USP34: variants seen among roughly 807,000 people sequenced by gnomAD.
USP34 encodes the protein ubiquitin carboxyl-terminal hydrolase 34.
A neutral mutation model predicts 460.3 loss-of-function variants in USP34; 70 were observed. That is an observed-to-expected ratio of 0.15 (90% CI 0.13 to 0.19). USP34 has a LOEUF of 0.19. Ranked by LOEUF, USP34 falls within the 10% of genes least tolerant of loss-of-function variation. The pLI, the probability that USP34 is intolerant of heterozygous loss-of-function variation, is 1.00. For missense variants in USP34, 3,985 were observed against 4,236.2 expected (o/e 0.94, Z 1.65); for synonymous variants, 1,647 against 1,405.3 (o/e 1.17, Z -3.85).
chr2:61,198,587 T>C (rs1218495844), intron 75 of USP34, among the ~76,000 whole-genome samples: 1 of 147,794 alleles, frequency 6.8e-6, no homozygotes, highest in Non-Finnish European at 1.5e-5. Context: ...GAGAGAGAAA[T>C]AGGCTGGGTG....
At chr2:61,424,059 T>C (rs1220024234) in intron 1 of USP34, among the ~76,000 whole-genome samples, 2 of 152,198 alleles carry the variant, frequency 1.3e-5, no homozygotes, top group African/African-American at 4.8e-5. Flanking sequence ...ACAGCTGCTG[T>C]GGAAAACAGT....
intron 47 of USP34, 27 bp from the exon 48 acceptor site, chr2:61,256,505 T>C (rs1236843591): frequency 5.3e-6 from 8 of 1,514,518 alleles, no homozygotes; most frequent in Non-Finnish European, 7.2e-6. Flanking sequence ...ATTTAAAAGT[T>C]TCATATTATT....
chr2:61,443,141 G>A (rs1695014085), intron 1 of USP34, among the ~76,000 whole-genome samples: 1 of 152,096 alleles, frequency 6.6e-6, no homozygotes, highest in Non-Finnish European at 1.5e-5. Context: ...GAAAGGACAG[G>A]GGAAAGGGAA....
intron 72 of USP34, 34 bp downstream of exon 72, chr2:61,205,983 G>A (rs1270464809): frequency 3.3e-6 from 5 of 1,513,860 alleles, no homozygotes; most frequent in African/African-American, 2.8e-5. Flanking sequence ...CTTCCACTAG[G>A]TTTTTACACG....
At position 61,266,346 on chromosome 2, in the gene USP34, C is replaced by T. The variant is rs544890121; in HGVS notation, c.5434-179G>A. Among the ~76,000 whole-genome samples, 100 of 152,316 alleles carry T rather than the reference C, an allele frequency of 6.6e-4. No homozygotes were observed. The South Asian group carries it at 7.7e-3, about 12-fold the overall frequency. On this transcript the variant is annotated intron_variant, in intron 41 of 79. Transcript: ENST00000398571. ...TTCTCTTAAGAGAAAACGAAGGCGG[C>T]GATCAACTTTTACTCTTCTCTCCTT... is the stretch of plus-strand genomic sequence containing the variant.
chr2:61,410,675 C>T (rs1315730158), intron 2 of USP34, among the ~76,000 whole-genome samples: 1 of 152,156 alleles, frequency 6.6e-6, no homozygotes, highest in Non-Finnish European at 1.5e-5. Flanking sequence ...TTTACTTGTT[C>T]TCTATTCGAA....
chr2:61,342,643 T>C (rs952742443), intron 16 of USP34, among the ~76,000 whole-genome samples: 3 of 151,986 alleles, frequency 2.0e-5, no homozygotes, highest in Non-Finnish European at 2.9e-5. Context: ...TCATCTTTTA[T>C]GTAGTATCTG....
At chr2:61,301,867 T>C (rs557968407) in intron 27 of USP34, among the ~76,000 whole-genome samples, 6 of 152,274 alleles carry the variant, frequency 3.9e-5, no homozygotes, top group Admixed American at 3.3e-4. Flanking sequence ...CATTAACCCT[T>C]TACTCTCCTT....
intron 75 of USP34, among the ~76,000 whole-genome samples, chr2:61,196,041 G>C (rs1686794103): frequency 6.9e-6 from 1 of 144,456 alleles, no homozygotes; most frequent in Non-Finnish European, 1.5e-5. Flanking sequence ...TGAGTAGCTG[G>C]GACTACAGGT....
At chr2:61,316,861 G>C (rs1340188472) in intron 23 of USP34, among the ~76,000 whole-genome samples, 1 of 152,100 alleles carries the variant, frequency 6.6e-6, no homozygotes, top group Admixed American at 6.5e-5. Context: ...ACTCTGGCCT[G>C]GGTGACAGAG....
intron 23 of USP34, among the ~76,000 whole-genome samples, chr2:61,317,008 C>G (rs1235714213): frequency 6.6e-6 from 1 of 152,076 alleles, no homozygotes; most frequent in Non-Finnish European, 1.5e-5. Context: ...CTTTGTTGCC[C>G]AGGCTGAACC....
chr2:61,308,396 G>C lies in USP34; in HGVS notation c.3817+3144C>G, dbSNP rs543450204. ...GTAGAAATGAAAAACTCAGTAGAAA[G>C]ACTGCAAAATAATGTTGAGAACATC... On this transcript the variant is annotated intron_variant, in intron 27 of 79. Transcript: ENST00000398571. Among the ~76,000 whole-genome samples, 9 of 152,082 alleles carry C rather than the reference G, an allele frequency of 5.9e-5. No individual in the cohort carries two copies. The South Asian group carries it at 1.9e-3, about 32-fold the overall frequency.
chr2:61,388,904 C>T (rs181685609), intron 5 of USP34, among the ~76,000 whole-genome samples: 1 of 152,030 alleles, frequency 6.6e-6, no homozygotes, highest in East Asian at 1.9e-4. Context: ...CCCATATGAA[C>T]TGTAATAACC....
chr2:61,414,726 G>T (rs763011264), intron 2 of USP34, among the ~76,000 whole-genome samples: 5 of 152,196 alleles, frequency 3.3e-5, no homozygotes, highest in Non-Finnish European at 5.9e-5. Flanking sequence ...AACAGTCAGA[G>T]CAAGGGAGTC....
At chr2:61,383,949 A>G (rs2103871909) in intron 5 of USP34, among the ~76,000 whole-genome samples, 1 of 152,286 alleles carries the variant, frequency 6.6e-6, no homozygotes, top group African/African-American at 2.4e-5. Flanking sequence ...TCCTTACCAA[A>G]TAATTCTCTA....
chr2:61,255,465 T>C (rs2103892496), intron 48 of USP34, among the ~76,000 whole-genome samples: 1 of 152,340 alleles, frequency 6.6e-6, no homozygotes, highest in South Asian at 2.1e-4. Context: ...TGCTTATTTG[T>C]ATCTTAGGAA....
intron 27 of USP34, among the ~76,000 whole-genome samples, chr2:61,303,685 C>T (rs1281439689): frequency 6.6e-6 from 1 of 151,910 alleles, no homozygotes; most frequent in Non-Finnish European, 1.5e-5. Flanking sequence ...CAAGCTCCGC[C>T]TCCTGGGTTC....
intron 1 of USP34, among the ~76,000 whole-genome samples, chr2:61,458,015 C>G (rs1283593974): frequency 6.6e-6 from 1 of 152,146 alleles, no homozygotes; most frequent in Non-Finnish European, 1.5e-5. Flanking sequence ...CCACAGTGAT[C>G]TTACGATTTT....
intron 18 of USP34, among the ~76,000 whole-genome samples, chr2:61,335,285 C>G (rs1279006071): frequency 1.3e-5 from 2 of 152,094 alleles, no homozygotes; most frequent in African/African-American, 2.4e-5. Context: ...CTTTTTTGCC[C>G]AAGTAGTTCT....
Sources: allele counts gnomAD v4.1 joint callset (sites outside exome capture counted in the v4.1 genomes callset), GRCh38; gene constraint gnomAD v4.1.1; transcripts MANE v1.5; gene names NCBI Gene and HGNC (gene_info 2026-07-23, HGNC 2026-07-21).